The following POU6F2 variants were observed in gnomAD, a reference collection of about 807,000 sequenced individuals.
POU6F2 encodes POU class 6 homeobox 2, also known as POU domain, class 6, transcription factor 2.
Under a neutral mutation model 71.3 loss-of-function variants are expected in POU6F2, and 31 were observed. The ratio of observed to expected loss-of-function variants is 0.43; its 90% CI spans 0.33 to 0.59. The LOEUF (loss-of-function observed/expected upper bound fraction) is 0.59. Among genes scored for constraint, POU6F2 ranks in the 20% least tolerant of loss-of-function variants. The pLI, the probability that POU6F2 is intolerant of heterozygous loss-of-function variation, is 0.04. For missense variants in POU6F2, 783 were observed against 856.8 expected (o/e 0.91, Z 1.07); for synonymous variants, 347 against 355.7 (o/e 0.98, Z 0.27).
chr7:39,038,922 A>G (rs1790121043), intron 1 of POU6F2, among the ~76,000 whole-genome samples: 1 of 151,934 alleles, frequency 6.6e-6, no homozygotes. Flanking sequence ...CACAGAGACA[A>G]AAGAAGGGGA....
chr7:39,326,470 A>G (rs1785505382), intron 4 of POU6F2, among the ~76,000 whole-genome samples: 1 of 152,262 alleles, frequency 6.6e-6, no homozygotes, highest in Admixed American at 6.5e-5. Flanking sequence ...CAAATCAAGA[A>G]TCAATGTTTC....
chr7:39,454,872 G>T (rs530481621), intron 8 of POU6F2, among the ~76,000 whole-genome samples: 2 of 151,242 alleles, frequency 1.3e-5, no homozygotes, highest in Admixed American at 1.3e-4. Flanking sequence ...AACTAGAATA[G>T]GTGGATCATA....
intron 2 of POU6F2, among the ~76,000 whole-genome samples, chr7:39,102,309 A>G (rs566515025): frequency 3.2e-4 from 48 of 152,300 alleles, no homozygotes; most frequent in African/African-American, 1.0e-3. Flanking sequence ...TTCCAACATT[A>G]CAATGACTCT....
chr7:39,423,171 A>C (rs1787891435), intron 6 of POU6F2, among the ~76,000 whole-genome samples: 1 of 152,210 alleles, frequency 6.6e-6, no homozygotes, highest in Admixed American at 6.5e-5. Flanking sequence ...TGACAGTTGC[A>C]GCAGTTTCCA....
chr7:39,042,882 T>A (rs1024126040), intron 1 of POU6F2, among the ~76,000 whole-genome samples: 6 of 151,948 alleles, frequency 3.9e-5, no homozygotes, highest in Admixed American at 6.6e-5. Flanking sequence ...AGAATAGAAA[T>A]CTTCTCCTTT....
intron 1 of POU6F2, among the ~76,000 whole-genome samples, chr7:39,042,184 C>G (rs866695938): frequency 6.6e-6 from 1 of 151,760 alleles, no homozygotes; most frequent in African/African-American, 2.4e-5. Flanking sequence ...GGAAAATGAT[C>G]AATTAAAAAT....
At chr7:39,035,446 A>G (rs1455233870) in intron 1 of POU6F2, among the ~76,000 whole-genome samples, 6 of 152,104 alleles carry the variant, frequency 3.9e-5, no homozygotes, top group Admixed American at 3.9e-4. Context: ...AAAAAATGGG[A>G]TTTATAAAAA....
At chr7:39,398,002 G>T (rs760692228) in intron 5 of POU6F2, among the ~76,000 whole-genome samples, 24 of 151,616 alleles carry the variant, frequency 1.6e-4, no homozygotes, top group Non-Finnish European at 2.8e-4. Context: ...TTGTATTTTA[G>T]CAGAGTTAGA....
intron 5 of POU6F2, among the ~76,000 whole-genome samples, chr7:39,405,684 A>G (rs1787407800): frequency 6.6e-6 from 1 of 152,252 alleles, no homozygotes; most frequent in African/African-American, 2.4e-5. Flanking sequence ...ACCTAAATGC[A>G]GATTTTAGTT....
chr7:39,370,764 G>C (rs935285740), intron 5 of POU6F2, among the ~76,000 whole-genome samples: 9 of 152,188 alleles, frequency 5.9e-5, no homozygotes, highest in Non-Finnish European at 1.3e-4. Context: ...TCATAGAACA[G>C]AAGACTGACC....
At chr7:39,300,182 G>A (rs562161837) in intron 4 of POU6F2, among the ~76,000 whole-genome samples, 2 of 152,194 alleles carry the variant, frequency 1.3e-5, no homozygotes, top group South Asian at 2.1e-4. Context: ...AAGAGAAAAA[G>A]GTAAACAAAC....
At chr7:39,395,644 A>C (rs1787161154) in intron 5 of POU6F2, among the ~76,000 whole-genome samples, 1 of 152,192 alleles carries the variant, frequency 6.6e-6, no homozygotes, top group Non-Finnish European at 1.5e-5. Context: ...AATATCTGAT[A>C]AACAACACTG....
chr7:39,262,614 A>G (rs1321314131), intron 4 of POU6F2, among the ~76,000 whole-genome samples: 2 of 152,212 alleles, frequency 1.3e-5, no homozygotes, highest in African/African-American at 2.4e-5. Context: ...ATACTGATCA[A>G]TATCACACTG....
chr7:39,193,085 G>C (rs1473235110), intron 2 of POU6F2, among the ~76,000 whole-genome samples: 1 of 152,170 alleles, frequency 6.6e-6, no homozygotes, highest in Admixed American at 6.5e-5. Context: ...TGGGACCTGA[G>C]CATCTGCCTT....
chr7:39,300,139 C>T (rs1054503022), intron 4 of POU6F2, among the ~76,000 whole-genome samples: 2 of 152,162 alleles, frequency 1.3e-5, no homozygotes, highest in Non-Finnish European at 2.9e-5. Flanking sequence ...GAAACCCAAG[C>T]ATAGGAAACT....
At chr7:39,407,213 TGAA>T (rs1430898496) in intron 6 of POU6F2, among the ~76,000 whole-genome samples, 1 of 151,844 alleles carries the variant, frequency 6.6e-6, no homozygotes, top group African/African-American at 2.4e-5. Flanking sequence ...GGGAAGGTGA[TGAA>T]GAAGTCTTGT....
intron 2 of POU6F2, among the ~76,000 whole-genome samples, chr7:39,152,342 G>A (rs1255420346): frequency 6.6e-6 from 1 of 152,006 alleles, no homozygotes; most frequent in Non-Finnish European, 1.5e-5. Context: ...TATTTTACTG[G>A]GCTGGAAAAA....
At chr7:39,101,519 T>A (rs1054942565) in intron 2 of POU6F2, among the ~76,000 whole-genome samples, 4 of 151,516 alleles carry the variant, frequency 2.6e-5, no homozygotes, top group African/African-American at 9.7e-5. Context: ...TTCCTTGGGG[T>A]CCTTGAAATT....
At chr7:39,007,958 GC>G (rs1351833835) in intron 1 of POU6F2, among the ~76,000 whole-genome samples, 2 of 150,616 alleles carry the variant, frequency 1.3e-5, no homozygotes, top group Non-Finnish European at 3.0e-5. Flanking sequence ...CCAAGTCTTT[GC>G]TATTGTGAAT....
Sources: gnomAD v4.1 joint callset for allele counts (sites outside exome capture counted in the v4.1 genomes callset) on GRCh38, gnomAD v4.1.1 for gene constraint, MANE v1.5 for transcripts, NCBI Gene and HGNC (gene_info 2026-07-23, HGNC 2026-07-21) for gene names.